CFTR: variants seen among roughly 807,000 people sequenced by gnomAD.
CFTR encodes the protein CF transmembrane conductance regulator, also known as cystic fibrosis transmembrane conductance regulator.
CFTR carries 181 observed loss-of-function variants against 171.6 expected under a neutral mutation model. The observed-to-expected ratio is 1.05, with a 90% confidence interval of 0.93 to 1.19. The LOEUF is 1.19. CFTR is among the 50% of genes most tolerant of loss of function. The pLI is 0.00. For missense variants in CFTR, 1,968 were observed against 1,734.7 expected, an observed-to-expected ratio of 1.13 and a Z score of -2.39; for synonymous variants, 583 against 608.0, an observed-to-expected ratio of 0.96 and a Z score of 0.60.
At chr7:117,647,769 C>T (rs1247747912) in intron 23 of CFTR, among the ~76,000 whole-genome samples, 1 of 151,882 alleles carries the variant, frequency 6.6e-6, no homozygotes, top group African/African-American at 2.4e-5. Flanking sequence ...GATCCTCCCA[C>T]CTTGGCCTCC....
rs776194796 is a variant in CFTR, at chr7:117,592,181, G to A, written c.2014G>A (p.Glu672Lys). 1.9e-6 allele frequency: 3 copies of A among 1,613,942 alleles called. No individual in the cohort carries two copies. The highest frequency in any genetic ancestry group is 1.7e-6 in the Non-Finnish European group (2 of 1,180,004). The change falls in exon 14 of 27, where the codon GAA (glutamate) becomes AAA (lysine). Residue 672 changes from glutamate (E) to lysine (K), a missense_variant. Coordinates refer to ENST00000003084, the MANE Select transcript of CFTR (RefSeq NM_000492.4). ...TGAGACCTTACACCGTTTCTCATTA[G>A]AAGGAGATGCTCCTGTCTCCTGGAC... Reference protein sequence around the residue: ...LTETLHRFSLEGDAPVSWTET... With the variant: ...LTETLHRFSLKGDAPVSWTET...
Position 117,648,024 on chromosome 7 carries a change from G to GTA in CFTR, c.3874-4807_3874-4806dup, listed in dbSNP as rs572438965. On this transcript the variant is annotated intron_variant, in intron 23 of 26. Coordinates refer to ENST00000003084, the MANE Select transcript of CFTR (RefSeq NM_000492.4). Reference sequence around the variant, plus strand: ...ACGGAGTGTGTGTGTGTGTGTGTGTGTATATATATATACACACACACATTA... The same window carrying GTA: ...ACGGAGTGTGTGTGTGTGTGTGTGTGTATATATATATATACACACACACATTA... 7.9e-4 allele frequency among the ~76,000 whole-genome samples: 115 copies of GTA among 145,512 alleles called. 2 individuals are homozygous for GTA. The South Asian group carries it at 0.013, about 16-fold the overall frequency.
At chr7:117,649,640 A>G (rs570410236) in intron 23 of CFTR, among the ~76,000 whole-genome samples, 1 of 151,954 alleles carries the variant, frequency 6.6e-6, no homozygotes, top group Admixed American at 6.6e-5. Context: ...TCCTATTTTC[A>G]TATCAGTCCA....
chr7:117,580,369 T>A (rs148559794), intron 11 of CFTR, among the ~76,000 whole-genome samples: 10 of 152,154 alleles, frequency 6.6e-5, no homozygotes, highest in Non-Finnish European at 1.2e-4. Context: ...TGTGATTATA[T>A]TAATATCTGT....
At chr7:117,506,119 A>G (rs1798411202) in intron 2 of CFTR, among the ~76,000 whole-genome samples, 1 of 152,196 alleles carries the variant, frequency 6.6e-6, no homozygotes, top group Non-Finnish European at 1.5e-5. Flanking sequence ...GGAATGTGAA[A>G]TGGCTAGCAT....
rs201444561 is a variant in CFTR at position 117,592,224 on chromosome 7, C to A, written c.2057C>A (p.Ser686Tyr). 152 of 1,613,650 alleles carry A rather than the reference C, an allele frequency of 9.4e-5. 1 individual carries two copies. The highest frequency in any genetic ancestry group is 1.6e-4 in the Middle Eastern group (1 of 6,084). The change falls in exon 14 of 27, where the codon TCT becomes TAT. Residue 686 changes from serine (S) to tyrosine (Y), a missense_variant. By Grantham distance (144) the Ser-to-Tyr change is moderately radical. Coordinates refer to ENST00000003084, the MANE Select transcript of CFTR (RefSeq NM_000492.4). ...PVSWTETKKQ[S>Y]FKQTGEFGEK... Reference sequence around the variant, plus strand: ...TCCTGGACAGAAACAAAAAAACAATCTTTTAAACAGACTGGAGAGTTTGGG... The same window carrying A: ...TCCTGGACAGAAACAAAAAAACAATATTTTAAACAGACTGGAGAGTTTGGG...
rs180877927 is a variant in CFTR, at chr7:117,587,559, A to G, written c.1585-180A>G. 4.6e-5 allele frequency among the ~76,000 whole-genome samples: 7 copies of G among 152,312 alleles called. No individual in the cohort carries two copies. The East Asian group carries it at 1.2e-3, about 25-fold the overall frequency. On this transcript the variant is annotated intron_variant, in intron 11 of 26. Transcript: ENST00000003084. ...AAAATTTACATCTAAAATTTCAGCA[A>G]TGTTGTTTTTGACCAACTAAATAAA...
intron 11 of CFTR, among the ~76,000 whole-genome samples, chr7:117,579,542 A>G (rs1338226610): frequency 1.3e-5 from 2 of 151,774 alleles, no homozygotes; most frequent in Non-Finnish European, 2.9e-5. Flanking sequence ...ACAAATATCC[A>G]TTAGCTATTC....
intron 15 of CFTR, among the ~76,000 whole-genome samples, chr7:117,600,891 T>C (rs1333333200): frequency 6.6e-6 from 1 of 152,050 alleles, no homozygotes; most frequent in African/African-American, 2.4e-5. Flanking sequence ...ACACCAAATA[T>C]TTTTTTAAAG....
chr7:117,624,704 G>A (rs1792626261), intron 21 of CFTR, among the ~76,000 whole-genome samples: 1 of 152,096 alleles, frequency 6.6e-6, no homozygotes, highest in African/African-American at 2.4e-5. Context: ...CCATTTATGG[G>A]GTGAGGAGAG....
At chr7:117,602,939 A>G (rs1792247613) in intron 16 of CFTR, 76 bp downstream of exon 16, 2 of 1,242,784 alleles carry the variant, frequency 1.6e-6, no homozygotes, top group South Asian at 1.2e-5. Context: ...CTATGTTTGT[A>G]TGTATTGTAA....
chr7:117,542,778 A>G (rs1799078727), intron 9 of CFTR, among the ~76,000 whole-genome samples: 1 of 152,192 alleles, frequency 6.6e-6, no homozygotes, highest in Admixed American at 6.5e-5. Flanking sequence ...CTCCATGTGT[A>G]AAATGGAGAA....
At chr7:117,504,800 G>T (rs1798389326) in intron 2 of CFTR, among the ~76,000 whole-genome samples, 1 of 147,524 alleles carries the variant, frequency 6.8e-6, no homozygotes, top group Non-Finnish European at 1.5e-5. Flanking sequence ...ACACTGAAAT[G>T]TTGACTGAAA....
intron 17 of CFTR, 33 bp downstream of exon 17, chr7:117,603,815 G>A (rs1208878096): frequency 6.2e-7 from 1 of 1,610,476 alleles, no homozygotes; most frequent in South Asian, 1.1e-5. Flanking sequence ...TGAAACTGCT[G>A]ATCCACCATC....
chr7:117,555,326 G>A (rs534450174), intron 10 of CFTR, among the ~76,000 whole-genome samples: 1 of 152,244 alleles, frequency 6.6e-6, no homozygotes, highest in East Asian at 1.9e-4. Flanking sequence ...ACATAAAAAT[G>A]TAGTATTAAA....
At chr7:117,635,047 A>G (rs1291637064) in intron 22 of CFTR, among the ~76,000 whole-genome samples, 1 of 152,106 alleles carries the variant, frequency 6.6e-6, no homozygotes, top group African/African-American at 2.4e-5. Context: ...TTGCAGAGGG[A>G]CACTGAAGTC....
chr7:117,535,468 A>G, intron 6 of CFTR, 57 bp downstream of exon 6: 1 of 1,530,062 alleles, frequency 6.5e-7, no homozygotes, highest in South Asian at 1.1e-5. Context: ...CAAAAAGCCC[A>G]CTTTAGTAAA....
chr7:117,611,931 T>C, intron 20 of CFTR, 123 bp downstream of exon 20: 1 of 641,018 alleles, frequency 1.6e-6, no homozygotes, highest in Non-Finnish European at 2.7e-6. Flanking sequence ...ACAAATTTGT[T>C]GGTTTATTAT....
chr7:117,498,771 C>G (rs1156305795), intron 1 of CFTR, among the ~76,000 whole-genome samples: 1 of 151,078 alleles, frequency 6.6e-6, no homozygotes, highest in Non-Finnish European at 1.5e-5. Context: ...TGATCACAAT[C>G]TTTTCCAATG....
Sources: allele counts gnomAD v4.1 joint callset (sites outside exome capture counted in the v4.1 genomes callset), GRCh38; gene constraint gnomAD v4.1.1; transcripts MANE v1.5; gene names NCBI Gene and HGNC (gene_info 2026-07-23, HGNC 2026-07-21).